The following CPQ variants were observed in gnomAD, a reference collection of about 807,000 sequenced individuals.
CPQ encodes the protein carboxypeptidase Q.
A neutral mutation model predicts 45.7 loss-of-function variants in CPQ; 37 were observed. That is an observed-to-expected ratio of 0.81 (90% CI 0.62 to 1.07). CPQ has a LOEUF of 1.07. Ranked by LOEUF, CPQ falls within the 50% of genes least tolerant of loss-of-function variation. The probability of loss-of-function intolerance (pLI) is 0.00; values close to 1 mark genes in which losing one functional copy is unlikely to be tolerated. For synonymous variants in CPQ, 186 were observed against 205.8 expected, an observed-to-expected ratio of 0.90 and a Z score of 0.82; for missense variants, 537 against 572.9, an observed-to-expected ratio of 0.94 and a Z score of 0.64.
chr8:96,988,723 G>A (rs1255135323), intron 5 of CPQ, among the ~76,000 whole-genome samples: 1 of 152,190 alleles, frequency 6.6e-6, no homozygotes, highest in Non-Finnish European at 1.5e-5. Flanking sequence ...TTAAAAAGCA[G>A]AGACTTGCTA....
intron 5 of CPQ, among the ~76,000 whole-genome samples, chr8:97,006,250 G>A (rs758229234): frequency 6.6e-6 from 1 of 152,184 alleles, no homozygotes; most frequent in Non-Finnish European, 1.5e-5. Context: ...GAGGAATAGA[G>A]GTGTGATTGA....
intron 2 of CPQ, among the ~76,000 whole-genome samples, chr8:96,807,330 T>A (rs2130826602): frequency 6.6e-6 from 1 of 152,206 alleles, no homozygotes; most frequent in East Asian, 1.9e-4. Flanking sequence ...GCCTCCCAGG[T>A]TCACGCCATT....
Position 96,660,636 on chromosome 8 carries a change from G to GGTGTGTGT in CPQ, c.-35+15255_-35+15262dup, listed in dbSNP as rs71267273. On this transcript the variant is annotated intron_variant, in intron 1 of 7. Coordinates refer to ENST00000220763, the MANE Select transcript of CPQ (RefSeq NM_016134.4). The stretch of plus-strand genomic sequence containing the variant: ...CTGAAATGGGGCTGAGAATACATTT[G>GGTGTGTGT]GTGTGTGTGTGTGTGTGTGTGTGTG... Among the ~76,000 whole-genome samples the GGTGTGTGT allele has an allele frequency of 1.7e-3, 261 of 149,146 alleles. 2 individuals are homozygous for GGTGTGTGT. The highest frequency in any genetic ancestry group is 5.3e-3 in the African/African-American group (215 of 40,594).
chr8:97,069,182 T>C (rs1810693084), intron 7 of CPQ, among the ~76,000 whole-genome samples: 1 of 152,212 alleles, frequency 6.6e-6, no homozygotes, highest in African/African-American at 2.4e-5. Flanking sequence ...TTTCCTTGAA[T>C]GCTGTTTTAT....
At chr8:96,850,291 A>G (rs1247918598) in intron 3 of CPQ, among the ~76,000 whole-genome samples, 1 of 152,100 alleles carries the variant, frequency 6.6e-6, no homozygotes, top group Non-Finnish European at 1.5e-5. Context: ...GGAAGGGCCT[A>G]TATGTGTTAG....
chr8:96,812,460 A>G (rs565383382), intron 2 of CPQ, among the ~76,000 whole-genome samples: 16 of 152,308 alleles, frequency 1.1e-4, no homozygotes, highest in African/African-American at 3.8e-4. Context: ...CTCTTGCCCC[A>G]TGCATAATAA....
chr8:97,093,692 T>G (rs1164618153), intron 7 of CPQ, among the ~76,000 whole-genome samples: 1 of 152,210 alleles, frequency 6.6e-6, no homozygotes, highest in Non-Finnish European at 1.5e-5. Context: ...TGATGCGTAT[T>G]ACCTAGACAA....
intron 1 of CPQ, among the ~76,000 whole-genome samples, chr8:96,767,801 G>A (rs1158218424): frequency 6.6e-6 from 1 of 151,800 alleles, no homozygotes; most frequent in African/African-American, 2.4e-5. Flanking sequence ...GCGCCACCAT[G>A]CTCGGCTAAT....
intron 1 of CPQ, among the ~76,000 whole-genome samples, chr8:96,688,159 A>AT (rs560454501): frequency 1.3e-5 from 2 of 152,138 alleles, no homozygotes; most frequent in African/African-American, 4.8e-5. Context: ...TTTAATCTAC[A>AT]TTTTGTATTG....
At chr8:96,742,025 A>G (rs1468611391) in intron 1 of CPQ, among the ~76,000 whole-genome samples, 7 of 143,522 alleles carry the variant, frequency 4.9e-5, no homozygotes, top group African/African-American at 1.6e-4. Context: ...ATTCCTGGGT[A>G]TCCTTGTTGA....
intron 4 of CPQ, among the ~76,000 whole-genome samples, chr8:96,891,959 G>A (rs927264284): frequency 6.6e-6 from 1 of 152,152 alleles, no homozygotes; most frequent in Non-Finnish European, 1.5e-5. Flanking sequence ...TATAAGGATG[G>A]GGTTGGGATG....
At chr8:96,943,279 C>A (rs1301513259) in intron 4 of CPQ, among the ~76,000 whole-genome samples, 2 of 151,984 alleles carry the variant, frequency 1.3e-5, no homozygotes, top group Non-Finnish European at 2.9e-5. Context: ...AACAGACAGC[C>A]CTGAGGTGCA....
chr8:96,770,879 A>T (rs1350787145), intron 1 of CPQ, among the ~76,000 whole-genome samples: 1 of 148,982 alleles, frequency 6.7e-6, no homozygotes, highest in Admixed American at 6.7e-5. Flanking sequence ...GCATACAATT[A>T]GGGAGGAGAA....
chr8:96,893,948 C>T (rs1222487274), intron 4 of CPQ, among the ~76,000 whole-genome samples: 1 of 152,086 alleles, frequency 6.6e-6, no homozygotes, highest in African/African-American at 2.4e-5. Flanking sequence ...TTCTAGTGAA[C>T]AGAATATTGC....
intron 4 of CPQ, among the ~76,000 whole-genome samples, chr8:96,909,512 A>G (rs140872581): frequency 1.5e-3 from 223 of 152,278 alleles, no homozygotes; most frequent in African/African-American, 5.1e-3. Flanking sequence ...ATGTCATGCT[A>G]TAAATTCAGC....
intron 4 of CPQ, among the ~76,000 whole-genome samples, chr8:96,889,158 G>A (rs762712371): frequency 6.6e-6 from 1 of 152,210 alleles, no homozygotes; most frequent in African/African-American, 2.4e-5. Flanking sequence ...TAGGCAGCGC[G>A]AAGGCACTGT....
chr8:96,915,412 A>G (rs776563334), intron 4 of CPQ, among the ~76,000 whole-genome samples: 3 of 152,170 alleles, frequency 2.0e-5, no homozygotes, highest in Non-Finnish European at 4.4e-5. Flanking sequence ...TCATTCATGG[A>G]TTTGTACATA....
chr8:96,849,658 G>T (rs547278753), intron 3 of CPQ, among the ~76,000 whole-genome samples: 1 of 152,234 alleles, frequency 6.6e-6, no homozygotes, highest in South Asian at 2.1e-4. Flanking sequence ...CCACACCTTT[G>T]GTGTGCATGG....
At chr8:96,758,425 A>G (rs942968821) in intron 1 of CPQ, among the ~76,000 whole-genome samples, 4 of 152,214 alleles carry the variant, frequency 2.6e-5, no homozygotes, top group African/African-American at 9.6e-5. Context: ...TATGTGATGT[A>G]TGGTCTAAAA....
Sources: allele counts gnomAD v4.1 joint callset (sites outside exome capture counted in the v4.1 genomes callset), GRCh38; gene constraint gnomAD v4.1.1; transcripts MANE v1.5; gene names NCBI Gene and HGNC (gene_info 2026-07-23, HGNC 2026-07-21).